Variants in GRID1 observed in about 807,000 individuals in gnomAD.
GRID1 encodes the protein glutamate receptor ionotropic, delta-1.
In GRID1, 28 loss-of-function variants were observed where a neutral mutation model predicts 98.0. The ratio of observed to expected loss-of-function variants is 0.29; its 90% CI spans 0.21 to 0.39. The LOEUF (loss-of-function observed/expected upper bound fraction) is 0.39, where lower values mean the gene tolerates loss of function less well. GRID1 is among the 10% of genes least tolerant of loss of function. The pLI is 1.00. For missense variants in GRID1, 1,111 were observed against 1,340.5 expected, an observed-to-expected ratio of 0.83 and a Z score of 2.67; for synonymous variants, 553 against 538.5, an observed-to-expected ratio of 1.03 and a Z score of -0.37.
chr10:86,270,202 T>C (rs936002226), intron 2 of GRID1, among the ~76,000 whole-genome samples: 2 of 152,196 alleles, frequency 1.3e-5, no homozygotes, highest in African/African-American at 4.8e-5. Flanking sequence ...TGTGGCCTCC[T>C]TGAGGGCAGG....
intron 12 of GRID1, among the ~76,000 whole-genome samples, chr10:85,707,141 A>G (rs1841529681): frequency 6.6e-6 from 1 of 152,230 alleles, no homozygotes; most frequent in Non-Finnish European, 1.5e-5. Context: ...TAGCTTCTGC[A>G]CAGCAAAAGA....
chr10:86,168,348 C>G lies in GRID1; in HGVS notation c.521-29324G>C, dbSNP rs187136603. On this transcript the variant is annotated intron_variant, in intron 3 of 15. Coordinates refer to ENST00000327946, the MANE Select transcript of GRID1 (RefSeq NM_017551.3). ...TGTGGAGCCGAGGAGACAATGCAGG[C>G]AAGGGGCGTGACCCCAGGCTGGGAA... 2.0e-3 allele frequency among the ~76,000 whole-genome samples: 307 copies of G among 152,298 alleles called. 1 individual carries two copies. Among genetic ancestry groups the G allele is most frequent in the African/African-American group, 7.0e-3 (291 of 41,578 alleles).
intron 12 of GRID1, among the ~76,000 whole-genome samples, chr10:85,652,585 C>A (rs1843286784): frequency 6.6e-6 from 1 of 152,186 alleles, no homozygotes; most frequent in South Asian, 2.1e-4. Flanking sequence ...GATGCCTTTA[C>A]TATCATTCCA....
intron 8 of GRID1, among the ~76,000 whole-genome samples, chr10:85,733,822 T>C (rs2132663555): frequency 6.6e-6 from 1 of 152,174 alleles, no homozygotes; most frequent in Admixed American, 6.5e-5. Context: ...AAAGCAGTGG[T>C]AAAAACGGGA....
chr10:86,320,119 G>C (rs191828915), intron 2 of GRID1, among the ~76,000 whole-genome samples: 2 of 152,214 alleles, frequency 1.3e-5, no homozygotes, highest in Non-Finnish European at 2.9e-5. Context: ...TATAGATTAC[G>C]GTAAAGCAAG....
intron 12 of GRID1, among the ~76,000 whole-genome samples, chr10:85,653,552 G>C: frequency 6.6e-6 from 1 of 152,204 alleles, no homozygotes. Flanking sequence ...GAAAGGGGAT[G>C]CTGGGGTGTA....
chr10:86,086,752 ATG>A (rs1213129105), intron 4 of GRID1, among the ~76,000 whole-genome samples: 1 of 152,084 alleles, frequency 6.6e-6, no homozygotes, highest in African/African-American at 2.4e-5. Context: ...GCACAGATAT[ATG>A]TGTGTGGACA....
At chr10:86,325,961 A>G (rs1046047599) in intron 2 of GRID1, among the ~76,000 whole-genome samples, 2 of 152,384 alleles carry the variant, frequency 1.3e-5, no homozygotes, top group Admixed American at 6.5e-5. Context: ...TTTGTAGCAA[A>G]TATAGGTATC....
chr10:86,115,806 T>C (rs1001553247), intron 4 of GRID1, among the ~76,000 whole-genome samples: 24 of 152,210 alleles, frequency 1.6e-4, no homozygotes, highest in Non-Finnish European at 7.3e-5. Context: ...GGCCAAAACA[T>C]GTGTACGATC....
chr10:86,181,500 AAGG>A (rs771165938), intron 3 of GRID1, among the ~76,000 whole-genome samples: 2 of 152,204 alleles, frequency 1.3e-5, no homozygotes, highest in Non-Finnish European at 2.9e-5. Flanking sequence ...TTAGAGAAAC[AAGG>A]AGGAGACAGT....
intron 4 of GRID1, among the ~76,000 whole-genome samples, chr10:86,126,518 T>G (rs561341833): frequency 6.6e-6 from 1 of 152,152 alleles, no homozygotes; most frequent in Non-Finnish European, 1.5e-5. Context: ...TAAGAATGAC[T>G]GCCTATCCTC....
At chr10:86,048,671 A>G (rs934217615) in intron 4 of GRID1, among the ~76,000 whole-genome samples, 2 of 152,194 alleles carry the variant, frequency 1.3e-5, no homozygotes, top group African/African-American at 4.8e-5. Flanking sequence ...TTGTGTTTGG[A>G]AATACCATGT....
chr10:85,856,311 A>G, intron 6 of GRID1, 121 bp from the exon 7 acceptor site: 1 of 846,908 alleles, frequency 1.2e-6, no homozygotes, highest in Non-Finnish European at 1.9e-6. Flanking sequence ...CCCAGTATCT[A>G]TGCCAAGATC....
Position 85,634,291 on chromosome 10 carries a change from T to TCTCTCTCTCACA in GRID1, c.2193+12910_2193+12911insTGTGAGAGAGAG, listed in dbSNP as rs1162030685. Among the ~76,000 whole-genome samples the TCTCTCTCTCACA allele has an allele frequency of 1.0e-3, 104 of 102,984 alleles. 1 individual carries two copies. Among genetic ancestry groups the TCTCTCTCTCACA allele is most frequent in the South Asian group, 3.0e-3 (10 of 3,328 alleles). The allele number at this position is 102,984 out of a possible 152,430, so 67.6% of individuals were successfully genotyped here. On this transcript the variant is annotated intron_variant, in intron 13 of 15. Transcript: ENST00000327946. ...CTCTCTCTCTCTCTCTCTCTCTCTC[T>TCTCTCTCTCACA]CACACACACACACACACACACACAG... is the stretch of plus-strand genomic sequence containing the variant.
intron 12 of GRID1, among the ~76,000 whole-genome samples, chr10:85,694,134 T>C (rs1043325119): frequency 6.6e-6 from 1 of 152,074 alleles, no homozygotes; most frequent in Non-Finnish European, 1.5e-5. Flanking sequence ...CAAACACTTT[T>C]CAAAAGGAAA....
chr10:86,086,573 G>A (rs1844060432), intron 4 of GRID1, among the ~76,000 whole-genome samples: 1 of 152,202 alleles, frequency 6.6e-6, no homozygotes, highest in African/African-American at 2.4e-5. Flanking sequence ...GAACCCACAG[G>A]GGGTTATAAG....
intron 2 of GRID1, among the ~76,000 whole-genome samples, chr10:86,301,578 C>G (rs1285442053): frequency 6.6e-6 from 1 of 152,178 alleles, no homozygotes; most frequent in Non-Finnish European, 1.5e-5. Flanking sequence ...CCCTTGGCCA[C>G]AAGGAACTGT....
At chr10:86,128,966 A>C (rs986322296) in intron 4 of GRID1, among the ~76,000 whole-genome samples, 1 of 152,242 alleles carries the variant, frequency 6.6e-6, no homozygotes, top group Non-Finnish European at 1.5e-5. Flanking sequence ...CATTGAGCAG[A>C]TGAGGAACCA....
At chr10:86,084,097 A>G (rs1381550585) in intron 4 of GRID1, among the ~76,000 whole-genome samples, 3 of 152,182 alleles carry the variant, frequency 2.0e-5, no homozygotes, top group African/African-American at 7.2e-5. Context: ...CATGCACTGA[A>G]TATCTGGTGT....
Sources: gnomAD v4.1 joint callset for allele counts (sites outside exome capture counted in the v4.1 genomes callset) on GRCh38, gnomAD v4.1.1 for gene constraint, MANE v1.5 for transcripts, NCBI Gene and HGNC (gene_info 2026-07-23, HGNC 2026-07-21) for gene names.